Variants in RNF180 observed in about 807,000 individuals in gnomAD.
RNF180 encodes ring finger protein 180, also known as E3 ubiquitin-protein ligase RNF180.
A neutral mutation model predicts 59.2 loss-of-function variants in RNF180; 38 were observed. The ratio of observed to expected loss-of-function variants is 0.64; its 90% confidence interval spans 0.50 to 0.84. The LOEUF is 0.84. Among genes scored for constraint, RNF180 ranks in the 40% least tolerant of loss-of-function variants. The pLI is 0.00. For missense variants in RNF180, 705 were observed against 700.9 expected (o/e 1.01, Z -0.07); for synonymous variants, 262 against 240.3 (o/e 1.09, Z -0.84).
intron 2 of RNF180, among the ~76,000 whole-genome samples, chr5:64,208,731 A>T (rs1402745649): frequency 2.0e-5 from 3 of 151,944 alleles, no homozygotes; most frequent in Admixed American, 6.6e-5. Flanking sequence ...TATAAATTCA[A>T]CCCAGCTTTT....
chr5:64,181,690 C>T (rs1385302450), intron 1 of RNF180, among the ~76,000 whole-genome samples: 1 of 152,116 alleles, frequency 6.6e-6, no homozygotes, highest in African/African-American at 2.4e-5. Flanking sequence ...AAAGTCTGGG[C>T]AGATCTCTCT....
chr5:64,278,023 G>A (rs566565498), intron 5 of RNF180, among the ~76,000 whole-genome samples: 1 of 152,246 alleles, frequency 6.6e-6, no homozygotes, highest in Non-Finnish European at 1.5e-5. Context: ...GCCTTAATCA[G>A]TATTATATTT....
At chr5:64,224,103 G>GTGTACA (rs1289450269) in intron 5 of RNF180, among the ~76,000 whole-genome samples, 15 of 147,122 alleles carry the variant, frequency 1.0e-4, no homozygotes, top group Non-Finnish European at 1.8e-4. Flanking sequence ...GTGTGTGTGT[G>GTGTACA]TACATACATA....
chr5:64,205,080 G>A (rs1751947400), intron 2 of RNF180, among the ~76,000 whole-genome samples: 1 of 152,192 alleles, frequency 6.6e-6, no homozygotes, highest in South Asian at 2.1e-4. Flanking sequence ...CCCAAAGCTA[G>A]GAACTGGACA....
intron 7 of RNF180, among the ~76,000 whole-genome samples, chr5:64,331,925 G>A (rs1165782153): frequency 3.9e-5 from 6 of 151,990 alleles, no homozygotes. Flanking sequence ...TGACTCGGGT[G>A]CCCACAGCAG....
At chr5:64,272,600 T>C (rs969597242) in intron 5 of RNF180, among the ~76,000 whole-genome samples, 2 of 151,976 alleles carry the variant, frequency 1.3e-5, no homozygotes, top group Admixed American at 6.6e-5. Context: ...AAAAAAAGCA[T>C]TTTGACACAG....
intron 7 of RNF180, among the ~76,000 whole-genome samples, chr5:64,366,009 G>A (rs933521865): frequency 7.3e-5 from 11 of 151,306 alleles, no homozygotes; most frequent in Non-Finnish European, 1.5e-4. Flanking sequence ...ATTTGATCCT[G>A]TTATGTTGTT....
At chr5:64,314,695 C>T (rs947365441) in intron 5 of RNF180, among the ~76,000 whole-genome samples, 7 of 152,050 alleles carry the variant, frequency 4.6e-5, no homozygotes, top group Non-Finnish European at 8.8e-5. Context: ...TATAACTACT[C>T]GAGAAGAATG....
At chr5:64,310,924 C>A (rs1365359589) in intron 5 of RNF180, among the ~76,000 whole-genome samples, 1 of 151,928 alleles carries the variant, frequency 6.6e-6, no homozygotes, top group Non-Finnish European at 1.5e-5. Context: ...TTCACAGGAA[C>A]TCTGGATATA....
intron 5 of RNF180, among the ~76,000 whole-genome samples, chr5:64,317,892 C>G (rs959183503): frequency 1.7e-4 from 26 of 152,260 alleles, no homozygotes; most frequent in South Asian, 8.3e-4. Context: ...GTGCTCAGAA[C>G]GTTTCCATTA....
At chr5:64,227,388 G>T (rs937629600) in intron 5 of RNF180, among the ~76,000 whole-genome samples, 35 of 152,168 alleles carry the variant, frequency 2.3e-4, no homozygotes, top group Non-Finnish European at 4.0e-4. Context: ...CCTGTGGGGG[G>T]TCTGAAGGCT....
At chr5:64,216,831 T>G (rs2112133493) in intron 4 of RNF180, among the ~76,000 whole-genome samples, 1 of 152,308 alleles carries the variant, frequency 6.6e-6, no homozygotes, top group East Asian at 1.9e-4. Flanking sequence ...TCCTTTTGTT[T>G]TTCATTTTTA....
At chr5:64,234,574 C>T (rs551443447) in intron 5 of RNF180, among the ~76,000 whole-genome samples, 186 of 115,204 alleles carry the variant, frequency 1.6e-3, no homozygotes, top group Non-Finnish European at 2.7e-3. Flanking sequence ...GGCAGTTACC[C>T]GTTCTTTTTT....
intron 6 of RNF180, among the ~76,000 whole-genome samples, chr5:64,327,308 T>C (rs565724005): frequency 1.1e-4 from 17 of 152,224 alleles, no homozygotes; most frequent in African/African-American, 4.1e-4. Flanking sequence ...TCTTTATTAT[T>C]TCTTTCCTTC....
intron 5 of RNF180, among the ~76,000 whole-genome samples, chr5:64,255,346 C>T (rs1018582677): frequency 6.6e-6 from 1 of 152,084 alleles, no homozygotes; most frequent in Non-Finnish European, 1.5e-5. Flanking sequence ...AATGCTATCC[C>T]CCTCGCCCCA....
intron 5 of RNF180, among the ~76,000 whole-genome samples, chr5:64,259,693 T>TG (rs1192256729): frequency 1.3e-5 from 2 of 151,984 alleles, no homozygotes; most frequent in African/African-American, 4.8e-5. Context: ...GAGGCCGAGG[T>TG]GGGTGGCTCA....
At chr5:64,289,411 G>T (rs1742457352) in intron 5 of RNF180, among the ~76,000 whole-genome samples, 1 of 152,188 alleles carries the variant, frequency 6.6e-6, no homozygotes, top group African/African-American at 2.4e-5. Context: ...CTCATAAAAT[G>T]AGTTAGGGAG....
intron 5 of RNF180, among the ~76,000 whole-genome samples, chr5:64,218,612 G>A (rs941092953): frequency 6.6e-6 from 1 of 152,082 alleles, no homozygotes; most frequent in Non-Finnish European, 1.5e-5. Context: ...AAAACATCAT[G>A]TTGGGATTTT....
chr5:64,358,744 A>C (rs910625377), intron 7 of RNF180, among the ~76,000 whole-genome samples: 3 of 149,456 alleles, frequency 2.0e-5, no homozygotes, highest in Non-Finnish European at 3.0e-5. Context: ...GCATCCACTA[A>C]CTCGTCATCT....
Sources: gnomAD v4.1 joint callset for allele counts (sites outside exome capture counted in the v4.1 genomes callset) on GRCh38, gnomAD v4.1.1 for gene constraint, MANE v1.5 for transcripts, NCBI Gene and HGNC (gene_info 2026-07-23, HGNC 2026-07-21) for gene names.